The following STX18 variants were observed in gnomAD, a reference collection of about 807,000 sequenced individuals.
STX18 encodes the protein syntaxin-18.
STX18 carries 40 observed loss-of-function variants against 50.1 expected under a neutral mutation model. The ratio of observed to expected loss-of-function variants is 0.80; its 90% CI spans 0.62 to 1.04. The LOEUF (loss-of-function observed/expected upper bound fraction) is 1.04, where lower values mean the gene tolerates loss of function less well. Ranked by LOEUF, STX18 falls within the 50% of genes least tolerant of loss-of-function variation. STX18 has a pLI of 0.00. For missense variants in STX18, 410 were observed against 415.8 expected, an observed-to-expected ratio of 0.99 and a Z score of 0.12; for synonymous variants, 158 against 151.8, an observed-to-expected ratio of 1.04 and a Z score of -0.30.
At chr4:4,519,295 A>G (rs2108903900) in intron 1 of STX18, among the ~76,000 whole-genome samples, 1 of 152,308 alleles carries the variant, frequency 6.6e-6, no homozygotes, top group Admixed American at 6.5e-5. Flanking sequence ...TGAAGTTTTT[A>G]TATGTAGTTC....
rs185291614 is a variant in STX18 at position 4,463,042 on chromosome 4, G to A, written c.237-3555C>T. 1.1e-4 allele frequency among the ~76,000 whole-genome samples: 17 copies of A among 152,332 alleles called. No individual in the cohort carries two copies. In the East Asian group the frequency reaches 3.1e-3, roughly 28 times the overall value. On this transcript the variant is annotated intron_variant, in intron 2 of 10. Transcript: ENST00000306200. Reference sequence around the variant, plus strand: ...TTAAAACAACTGCAAAGTTGCAGAAGAACACCCGGATGCCACTGTGTTGTT... The same window carrying A: ...TTAAAACAACTGCAAAGTTGCAGAAAAACACCCGGATGCCACTGTGTTGTT...
At chr4:4,521,623 A>C (rs1407460532) in intron 1 of STX18, among the ~76,000 whole-genome samples, 1 of 152,186 alleles carries the variant, frequency 6.6e-6, no homozygotes, top group Non-Finnish European at 1.5e-5. Context: ...ATGATTGTAG[A>C]AAGGGTATTT....
At chr4:4,493,282 A>C (rs889799600) in intron 1 of STX18, among the ~76,000 whole-genome samples, 76 of 138,850 alleles carry the variant, frequency 5.5e-4, no homozygotes, top group Admixed American at 7.9e-4. Context: ...GGCATTCCCA[A>C]CCCCCCCGCC....
At chr4:4,516,175 G>C (rs553379338) in intron 1 of STX18, among the ~76,000 whole-genome samples, 5 of 152,328 alleles carry the variant, frequency 3.3e-5, no homozygotes, top group Non-Finnish European at 5.9e-5. Flanking sequence ...ATAATTACTG[G>C]ATTAGACACA....
chr4:4,431,439 C>T (rs1392989125), intron 7 of STX18, among the ~76,000 whole-genome samples: 1 of 152,192 alleles, frequency 6.6e-6, no homozygotes, highest in Non-Finnish European at 1.5e-5. Flanking sequence ...TCCCTCTTTA[C>T]ATTCCTTTGT....
chr4:4,422,448 C>A (rs1346729138), intron 9 of STX18, among the ~76,000 whole-genome samples: 1 of 151,814 alleles, frequency 6.6e-6, no homozygotes, highest in African/African-American at 2.4e-5. Flanking sequence ...GCCTGTAATC[C>A]CAGCTACTCA....
intron 3 of STX18, 131 bp downstream of exon 3, chr4:4,459,240 GA>G: frequency 1.5e-6 from 1 of 671,156 alleles, no homozygotes; most frequent in South Asian, 1.8e-5. Context: ...GATCAAGAAA[GA>G]AAAGATTTTA....
intron 6 of STX18, among the ~76,000 whole-genome samples, chr4:4,437,404 C>G (rs994519846): frequency 1.3e-5 from 2 of 152,208 alleles, no homozygotes; most frequent in Non-Finnish European, 2.9e-5. Flanking sequence ...ATCCCTGAAA[C>G]TTATTGAGCT....
At chr4:4,541,733 C>T (rs1731607262) in intron 1 of STX18, 64 bp downstream of exon 1, 2 of 1,543,840 alleles carry the variant, frequency 1.3e-6, no homozygotes, top group Non-Finnish European at 1.8e-6. Flanking sequence ...TGGTTTGGGG[C>T]CCGGGGTCCC....
Position 4,420,817 on chromosome 4 carries a change from C to T in STX18, c.912+47G>A. 1 of 1,545,160 alleles carries T rather than the reference C, an allele frequency of 6.5e-7. No individual in the cohort carries two copies. On this transcript the variant is annotated intron_variant, in intron 10 of 10. Coordinates refer to ENST00000306200, the MANE Select transcript of STX18 (RefSeq NM_016930.4). The surrounding 1 kb of genome is among the most constrained non-coding windows in gnomAD (Gnocchi z 4.3). The stretch of plus-strand genomic sequence containing the variant: ...GCGAGACTAACACCCGCTGCTGGGA[C>T]TCAGTGCTGCGCCACGTCGCACCTG...
intron 7 of STX18, chr4:4,425,704 C>G (rs535748062): frequency 6.3e-6 from 1 of 159,224 alleles, no homozygotes; most frequent in African/African-American, 2.4e-5. Context: ...GCCTCTGGGC[C>G]CCTCTGACTT....
chr4:4,459,552 G>C, intron 2 of STX18, 65 bp from the exon 3 acceptor site: 1 of 1,223,542 alleles, frequency 8.2e-7, no homozygotes, highest in South Asian at 1.2e-5. Context: ...TGAGTGGGAT[G>C]GGAAGAGAAG....
chr4:4,530,639 T>A (rs151087801), intron 1 of STX18, among the ~76,000 whole-genome samples: 1 of 152,296 alleles, frequency 6.6e-6, no homozygotes, highest in Admixed American at 6.5e-5. Context: ...TTGTTTTGTT[T>A]TGTTTTTCCT....
intron 6 of STX18, among the ~76,000 whole-genome samples, chr4:4,437,260 C>T (rs1053769538): frequency 2.0e-5 from 3 of 152,120 alleles, no homozygotes; most frequent in African/African-American, 7.2e-5. Flanking sequence ...CTGGCCCAGA[C>T]TCACTTCTTA....
intron 7 of STX18, chr4:4,426,283 T>C (rs1395707883): frequency 6.6e-6 from 1 of 152,238 alleles, no homozygotes; most frequent in African/African-American, 2.4e-5. Context: ...TGCAAAGGCA[T>C]TCCAGTTGTT....
intron 1 of STX18, among the ~76,000 whole-genome samples, chr4:4,536,481 G>A (rs189590073): frequency 4.1e-4 from 62 of 152,298 alleles, no homozygotes; most frequent in Non-Finnish European, 2.4e-4. Flanking sequence ...AAGGCCTCAC[G>A]GAGGCAACAT....
chr4:4,504,738 T>A (rs1729619864), intron 1 of STX18, among the ~76,000 whole-genome samples: 1 of 152,174 alleles, frequency 6.6e-6, no homozygotes, highest in Admixed American at 6.5e-5. Context: ...AGAGAAATGC[T>A]AATTAACAAT....
chr4:4,507,815 T>TAAA (rs879049430), intron 1 of STX18: 136 of 219,238 alleles, frequency 6.2e-4, no homozygotes, highest in South Asian at 1.3e-3. Context: ...ATATTCACAG[T>TAAA]AAAAAAAAAA....
chr4:4,530,782 T>C (rs1350684554), intron 1 of STX18, among the ~76,000 whole-genome samples: 1 of 152,040 alleles, frequency 6.6e-6, no homozygotes, highest in East Asian at 1.9e-4. Context: ...ATTTTTGTAT[T>C]TTTTTATAGC....
Sources: gnomAD v4.1 joint callset for allele counts (sites outside exome capture counted in the v4.1 genomes callset) on GRCh38, gnomAD v4.1.1 for gene constraint, Gnocchi (gnomAD v3.1) non-coding constraint, MANE v1.5 for transcripts, NCBI Gene and HGNC (gene_info 2026-07-23, HGNC 2026-07-21) for gene names.